ADGRL4: variants seen among roughly 807,000 people sequenced by gnomAD.
The protein encoded by ADGRL4 is EGF, latrophilin and seven transmembrane domain containing 1.
ADGRL4 carries 90 observed loss-of-function variants against 74.8 expected under a neutral mutation model. That is an observed-to-expected ratio of 1.20 (90% CI 1.02 to 1.43). ADGRL4 has a LOEUF of 1.43. Ranked by LOEUF, ADGRL4 falls within the 40% of genes most tolerant of loss-of-function variation. ADGRL4 has a pLI of 0.00. For synonymous variants in ADGRL4, 311 were observed against 279.2 expected, an observed-to-expected ratio of 1.11 and a Z score of -1.14; for missense variants, 881 against 814.3, an observed-to-expected ratio of 1.08 and a Z score of -1.00.
chr1:78,892,058 A>G (rs1343140323), intron 13 of ADGRL4, among the ~76,000 whole-genome samples: 1 of 151,996 alleles, frequency 6.6e-6, no homozygotes. Flanking sequence ...GGTAAGACAT[A>G]TATCTGTTAG....
At chr1:78,999,571 TTAAATAAA>T (rs575303028) in intron 2 of ADGRL4, among the ~76,000 whole-genome samples, 84 of 152,108 alleles carry the variant, frequency 5.5e-4, no homozygotes, top group African/African-American at 2.0e-3. Context: ...AGACTCCGTC[TTAAATAAA>T]TAAATAAATA....
chr1:78,900,292 G>T (rs1205564632), intron 12 of ADGRL4, among the ~76,000 whole-genome samples: 3 of 152,198 alleles, frequency 2.0e-5, no homozygotes. Context: ...TCCCTCCAGA[G>T]ACATTGATAT....
At chr1:78,977,138 T>C (rs1650302309) in intron 2 of ADGRL4, among the ~76,000 whole-genome samples, 1 of 151,672 alleles carries the variant, frequency 6.6e-6, no homozygotes, top group Non-Finnish European at 1.5e-5. Context: ...ATAAACACAA[T>C]ATAATTCACT....
chr1:78,998,723 A>G (rs1051009203), intron 2 of ADGRL4, among the ~76,000 whole-genome samples: 8 of 152,166 alleles, frequency 5.3e-5, no homozygotes, highest in African/African-American at 1.7e-4. Context: ...TAGCAGGGAA[A>G]AGGCAGATGG....
At chr1:78,925,650 A>G (rs569285375) in intron 8 of ADGRL4, among the ~76,000 whole-genome samples, 8 of 152,186 alleles carry the variant, frequency 5.3e-5, no homozygotes, top group Non-Finnish European at 1.0e-4. Flanking sequence ...GTGAAATTTC[A>G]TAACAGTCAT....
Position 78,916,704 on chromosome 1 carries a change from A to G in ADGRL4, c.1749+930T>C, listed in dbSNP as rs549270379. ...TTTAGCAGTACCCTCACAACCATAA[A>G]AAACTCAAAGGAAAGAGGAAGACAG... On this transcript the variant is annotated intron_variant, in intron 12 of 14. Transcript: ENST00000370742. Among the ~76,000 whole-genome samples, 531 of 151,952 alleles carry G rather than the reference A, an allele frequency of 3.5e-3. 6 individuals are homozygous for G. Among genetic ancestry groups the G allele is most frequent in the Admixed American group, 5.1e-3 (78 of 15,216 alleles).
chr1:78,977,711 G>T (rs1459031868), intron 2 of ADGRL4, among the ~76,000 whole-genome samples: 1 of 151,824 alleles, frequency 6.6e-6, no homozygotes, highest in Non-Finnish European at 1.5e-5. Context: ...GTGTGTTCTG[G>T]TGAGTAGTTT....
At chr1:78,941,898 T>TCTTA (rs1464844063) in intron 3 of ADGRL4, among the ~76,000 whole-genome samples, 2 of 152,038 alleles carry the variant, frequency 1.3e-5, no homozygotes, top group African/African-American at 4.8e-5. Flanking sequence ...TTGGGTAATA[T>TCTTA]CTTAAAAAGA....
chr1:78,990,551 A>G (rs1650587151), intron 2 of ADGRL4, among the ~76,000 whole-genome samples: 1 of 151,956 alleles, frequency 6.6e-6, no homozygotes. Context: ...ATTTTTTTCA[A>G]AGGAGAAGTA....
chr1:78,930,546 G>A (rs1340265810), intron 7 of ADGRL4, among the ~76,000 whole-genome samples: 3 of 145,398 alleles, frequency 2.1e-5, no homozygotes, highest in East Asian at 2.1e-4. Context: ...ACATCTCCCC[G>A]GTTCAAGCAA....
intron 7 of ADGRL4, among the ~76,000 whole-genome samples, chr1:78,928,978 T>C (rs1649181278): frequency 6.6e-6 from 1 of 151,550 alleles, no homozygotes; most frequent in Non-Finnish European, 1.5e-5. Flanking sequence ...CAAACTGCTT[T>C]ATTGCTACTT....
At chr1:78,919,950 TAACTTGTCCC>T (rs1648960976) in intron 10 of ADGRL4, among the ~76,000 whole-genome samples, 1 of 151,986 alleles carries the variant, frequency 6.6e-6, no homozygotes, top group Non-Finnish European at 1.5e-5. Context: ...TGCAAAGTTT[TAACTTGTCCC>T]AATAATTCAT....
In ADGRL4 at chr1:78,954,541, C is replaced by A. The variant is rs200192143; in HGVS notation, c.173-8115G>T. 3.0e-4 allele frequency among the ~76,000 whole-genome samples: 45 copies of A among 152,212 alleles called. No homozygotes were observed. In the East Asian group the frequency reaches 8.5e-3, roughly 29 times the overall value. On this transcript the variant is annotated intron_variant, in intron 2 of 14. Transcript: ENST00000370742. ...ACATGCATTTCCCCATAAGACACAG[C>A]ACGTCAGATTATGTTGCAAACAAAA...
intron 12 of ADGRL4, among the ~76,000 whole-genome samples, chr1:78,900,651 G>A (rs1383623387): frequency 6.6e-6 from 1 of 151,988 alleles, no homozygotes; most frequent in South Asian, 2.1e-4. Context: ...GTTTGAAAGG[G>A]TGTCGCACCT....
rs1648913320 is a variant in ADGRL4 at position 78,917,957 on chromosome 1, C to T, written c.1555G>A (p.Val519Ile). The T allele has an allele frequency of 5.0e-6, 8 of 1,611,374 alleles. No individual in the cohort carries two copies. The highest frequency in any genetic ancestry group is 6.8e-6 in the Non-Finnish European group (8 of 1,178,878). ...CCCTTGTTGTAGATGACACCCACAA[C>T]AATGAGATAGAGATGTATGCCTTCA... ...CIEGIHLYLI[V>I]VGVIYNKGFL... is the part of the protein sequence containing the mutation. The change falls in exon 11 of 15, where the codon GTT (valine) becomes ATT (isoleucine). Residue 519 changes from valine to isoleucine, a missense_variant. Coordinates refer to ENST00000370742, the MANE Select transcript of ADGRL4 (RefSeq NM_022159.4).
intron 2 of ADGRL4, among the ~76,000 whole-genome samples, chr1:79,002,623 A>C (rs1239839042): frequency 6.6e-6 from 1 of 152,104 alleles, no homozygotes; most frequent in African/African-American, 2.4e-5. Context: ...AAACTGAATT[A>C]GGAAGGGTCA....
intron 12 of ADGRL4, among the ~76,000 whole-genome samples, chr1:78,897,643 T>G (rs2100652085): frequency 6.6e-6 from 1 of 152,302 alleles, no homozygotes; most frequent in East Asian, 1.9e-4. Flanking sequence ...TTTCTTTAAC[T>G]TTGTATCAGA....
chr1:78,949,331 A>G (rs1570248759), intron 2 of ADGRL4, among the ~76,000 whole-genome samples: 1 of 152,200 alleles, frequency 6.6e-6, no homozygotes, highest in African/African-American at 2.4e-5. Flanking sequence ...ACAAAAGTTG[A>G]TATTAATTTT....
intron 2 of ADGRL4, among the ~76,000 whole-genome samples, chr1:78,962,925 T>C (rs1050877206): frequency 6.6e-6 from 1 of 152,192 alleles, no homozygotes; most frequent in African/African-American, 2.4e-5. Context: ...TGGAAGTTCA[T>C]CTTTTCTTAT....
Sources: allele counts gnomAD v4.1 joint callset (sites outside exome capture counted in the v4.1 genomes callset), GRCh38; gene constraint gnomAD v4.1.1; transcripts MANE v1.5; gene names NCBI Gene and HGNC (gene_info 2026-07-23, HGNC 2026-07-21).